Variants in PRRX1 observed in about 807,000 individuals in gnomAD.
The protein encoded by PRRX1 is paired mesoderm homeobox protein 1.
In PRRX1, 8 loss-of-function variants were observed where a neutral mutation model predicts 24.0. The ratio of observed to expected loss-of-function variants is 0.33; its 90% CI spans 0.20 to 0.60. The LOEUF is 0.60. Among genes scored for constraint, PRRX1 ranks in the 20% least tolerant of loss-of-function variants. The pLI, the probability that PRRX1 is intolerant of heterozygous loss-of-function variation, is 0.82. For synonymous variants in PRRX1, 160 were observed against 131.7 expected (o/e 1.22, Z -1.47); for missense variants, 281 against 322.4 (o/e 0.87, Z 0.98).
chr1:170,738,755 G>T lies in PRRX1; in HGVS notation c.*2569G>T, dbSNP rs1655703469. 4.4e-6 allele frequency: 1 copy of T among 227,592 alleles called. No homozygotes were observed. Among genetic ancestry groups the T allele is most frequent in the Admixed American group, 5.7e-5 (1 of 17,622 alleles). 14.1% of individuals were successfully genotyped at this position (227,592 alleles called of 1,614,324 possible). ...AGGGACATGTGAAACAAAATCATTTGAAATTTTGATTCAGACATCCATTTC... is the reference window on the plus strand; with the variant it reads ...AGGGACATGTGAAACAAAATCATTTTAAATTTTGATTCAGACATCCATTTC... On this transcript the variant is annotated 3_prime_UTR_variant, in exon 4 of 4. Transcript: ENST00000239461.
chr1:170,695,516 T>C (rs1422947509), intron 1 of PRRX1, among the ~76,000 whole-genome samples: 1 of 152,208 alleles, frequency 6.6e-6, no homozygotes, highest in Non-Finnish European at 1.5e-5. Context: ...AAGGCTATTC[T>C]TCTCTGCTGG....
At chr1:170,663,269 G>C (rs1373016388), upstream of PRRX1, 8 of 152,252 alleles carry the variant, frequency 5.3e-5, no homozygotes, top group East Asian at 1.4e-3. Context: ...GTAATTACAG[G>C]CTCCTATTAA....
intron 1 of PRRX1, among the ~76,000 whole-genome samples, chr1:170,690,131 C>CA (rs375026356): frequency 2.7e-5 from 4 of 149,850 alleles, no homozygotes; most frequent in Admixed American, 6.7e-5. Context: ...CCTCCCCCCC[C>CA]ATTTTTTCAA....
chr1:170,704,969 T>C (rs1179890496), intron 1 of PRRX1, among the ~76,000 whole-genome samples: 3 of 152,190 alleles, frequency 2.0e-5, no homozygotes, highest in South Asian at 2.1e-4. Flanking sequence ...ACTTACCTAG[T>C]GGCTTTGGTC....
intron 1 of PRRX1, among the ~76,000 whole-genome samples, chr1:170,704,075 G>A (rs1473443164): frequency 6.6e-6 from 1 of 152,030 alleles, no homozygotes; most frequent in African/African-American, 2.4e-5. Flanking sequence ...ACTAAACATT[G>A]ATTTCCCCAA....
In PRRX1 at chr1:170,738,340, T is replaced by C. The variant is rs565433076; in HGVS notation, c.*2154T>C. On this transcript the variant is annotated 3_prime_UTR_variant, in exon 4 of 4. Coordinates refer to ENST00000239461, the MANE Select transcript of PRRX1 (RefSeq NM_022716.4). ...CACCAATCTGAAATTGTATTTCAAA[T>C]GTTGATTCTGTAGTTCTTTAAATAA... 1.8e-4 allele frequency: 40 copies of C among 225,020 alleles called. No homozygotes were observed. The highest frequency in any genetic ancestry group is 2.7e-3 in the Middle Eastern group (2 of 734). 13.9% of individuals were successfully genotyped at this position (225,020 alleles called of 1,614,324 possible). A position where few individuals can be genotyped will look rare whatever the true frequency, so the allele number is the denominator to read the frequency against.
chr1:170,684,419 A>G (rs961186987), intron 1 of PRRX1, among the ~76,000 whole-genome samples: 4 of 152,240 alleles, frequency 2.6e-5, no homozygotes, highest in African/African-American at 9.6e-5. Context: ...TTGGAATACT[A>G]TCAGAATAAA....
At chr1:170,711,049 C>T (rs1246763770) in intron 1 of PRRX1, among the ~76,000 whole-genome samples, 1 of 152,178 alleles carries the variant, frequency 6.6e-6, no homozygotes, top group Non-Finnish European at 1.5e-5. Flanking sequence ...TACACTTCGA[C>T]TTTTCTTATT....
chr1:170,669,424 G>GAAAAAAAAAAA (rs1383793581), intron 1 of PRRX1: 1 of 4,970 alleles, frequency 2.0e-4, no homozygotes, highest in Non-Finnish European at 2.9e-4. Flanking sequence ...GCTCCCCACT[G>GAAAAAAAAAAA]CAAAAAAAAA....
At chr1:170,676,606 A>C (rs1428594459) in intron 1 of PRRX1, among the ~76,000 whole-genome samples, 1 of 152,154 alleles carries the variant, frequency 6.6e-6, no homozygotes. Context: ...CACAAACTTT[A>C]AGAAAATGTG....
chr1:170,710,200 ACAC>A (rs1050615147), intron 1 of PRRX1, among the ~76,000 whole-genome samples: 1 of 152,166 alleles, frequency 6.6e-6, no homozygotes, highest in African/African-American at 2.4e-5. Flanking sequence ...GTAAAAAAAC[ACAC>A]CACCAACACC....
At chr1:170,667,795 A>C (rs968767704) in intron 1 of PRRX1, 2 of 152,246 alleles carry the variant, frequency 1.3e-5, no homozygotes, top group Admixed American at 1.3e-4. Flanking sequence ...TCTTTTAGCT[A>C]TATAGAAACA....
At chr1:170,673,875 T>C (rs1653220020) in intron 1 of PRRX1, among the ~76,000 whole-genome samples, 1 of 152,232 alleles carries the variant, frequency 6.6e-6, no homozygotes. Context: ...TTTAAGTCTC[T>C]ATCCTGGCTC....
At chr1:170,724,448 GT>G (rs1655188122) in intron 2 of PRRX1, among the ~76,000 whole-genome samples, 1 of 152,122 alleles carries the variant, frequency 6.6e-6, no homozygotes, top group African/African-American at 2.4e-5. Context: ...TTTATCTTGA[GT>G]TAATTTTTGT....
chr1:170,728,832 A>G (rs140753079), intron 3 of PRRX1: 20 of 152,350 alleles, frequency 1.3e-4, no homozygotes, highest in African/African-American at 4.8e-4. Context: ...ATGATTTCAC[A>G]CTTTGAAGCT....
intron 1 of PRRX1, among the ~76,000 whole-genome samples, chr1:170,678,603 CAAT>C (rs1260095390): frequency 7.2e-5 from 11 of 152,138 alleles, no homozygotes; most frequent in African/African-American, 2.7e-4. Context: ...AAAATGCTGT[CAAT>C]ATTTTATCAT....
chr1:170,687,132 C>G (rs1558048700), intron 1 of PRRX1, among the ~76,000 whole-genome samples: 1 of 144,018 alleles, frequency 6.9e-6, no homozygotes, highest in Non-Finnish European at 1.5e-5. Context: ...CTCTCTCTCT[C>G]TTTTTTTTTT....
intron 3 of PRRX1, among the ~76,000 whole-genome samples, chr1:170,731,617 A>G (rs1476040): frequency 0.76 from 115,237 of 152,098 alleles, 43,882 homozygotes; most frequent in Middle Eastern, 0.91. Flanking sequence ...ATGTTTGACA[A>G]TCATTTTAAC....
intron 1 of PRRX1, among the ~76,000 whole-genome samples, chr1:170,699,446 C>T (rs1654281106): frequency 6.6e-6 from 1 of 151,806 alleles, no homozygotes; most frequent in Non-Finnish European, 1.5e-5. Context: ...CTCTAGTTTG[C>T]ACACAGCTCC....
Sources: gnomAD v4.1 joint callset for allele counts (sites outside exome capture counted in the v4.1 genomes callset) on GRCh38, gnomAD v4.1.1 for gene constraint, MANE v1.5 for transcripts, NCBI Gene and HGNC (gene_info 2026-07-23, HGNC 2026-07-21) for gene names.